The following DNAJC14 variants were observed in gnomAD, a reference collection of about 807,000 sequenced individuals.
DNAJC14 encodes the protein dnaJ homolog subfamily C member 14.
DNAJC14 carries 12 observed loss-of-function variants against 68.8 expected under a neutral mutation model. The ratio of observed to expected loss-of-function variants is 0.17; its 90% CI spans 0.11 to 0.28. The LOEUF (loss-of-function observed/expected upper bound fraction) is 0.28. DNAJC14 is among the 10% of genes least tolerant of loss of function. DNAJC14 has a pLI of 1.00. For missense variants in DNAJC14, 764 were observed against 875.6 expected, an observed-to-expected ratio of 0.87 and a Z score of 1.61; for synonymous variants, 350 against 321.5, an observed-to-expected ratio of 1.09 and a Z score of -0.95.
At chr12:55,825,506 G>A (rs1880769173) in intron 2 of DNAJC14, among the ~76,000 whole-genome samples, 1 of 149,988 alleles carries the variant, frequency 6.7e-6, no homozygotes, top group Non-Finnish European at 1.5e-5. Flanking sequence ...TTTCCCTCAA[G>A]CATAAGGTGC....
intron 4 of DNAJC14, 24 bp downstream of exon 4, chr12:55,823,046 C>T: frequency 6.2e-7 from 1 of 1,612,444 alleles, no homozygotes; most frequent in Non-Finnish European, 8.5e-7. Flanking sequence ...GTGATTGTCC[C>T]ATCCCTCTCC....
chr12:55,827,444 C>T lies in DNAJC14; in HGVS notation c.1215G>A (p.Lys405=), dbSNP rs749124129. The change falls in exon 2 of 7, where the codon AAG becomes AAA. Residue 405 remains lysine, a synonymous_variant. Coordinates refer to ENST00000678005, the MANE Select transcript of DNAJC14 (RefSeq NM_032364.6). ...CATTCCCCTGCCTATTAATATTCTG[C>T]TTGACCCAAGGCAACTCCAGCCAGC... The part of the protein sequence containing the change: ...QWGWLELPWV[K]QNINRQGNAP... The T allele has an allele frequency of 2.5e-6, 4 of 1,607,358 alleles. No individual in the cohort carries two copies. The East Asian group carries it at 8.9e-5, about 36-fold the overall frequency.
rs1020465033 is a variant in DNAJC14, at chr12:55,829,553, G to C, written c.-121C>G. On this transcript the variant is annotated 5_prime_UTR_variant, in exon 1 of 7. Transcript: ENST00000678005. Reference sequence around the variant, plus strand: ...CCTGGGGCCAGGGTGAGCTACGAGAGCCGCTCTCCCGGCTCCGCCTCCCGC... The same window carrying C: ...CCTGGGGCCAGGGTGAGCTACGAGACCCGCTCTCCCGGCTCCGCCTCCCGC... 1.0e-6 allele frequency: 1 copy of C among 985,060 alleles called. No individual in the cohort carries two copies. Among genetic ancestry groups the C allele is most frequent in the Non-Finnish European group, 1.2e-6 (1 of 829,938 alleles). The allele number at this position is 985,060 out of a possible 1,614,324, so 61.0% of individuals were successfully genotyped here. A position where few individuals can be genotyped will look rare whatever the true frequency, so the allele number is the denominator to read the frequency against.
In DNAJC14 at chr12:55,828,198, C is replaced by T; in HGVS notation, c.461G>A (p.Cys154Tyr). The T allele has an allele frequency of 1.2e-6, 2 of 1,611,578 alleles. No homozygotes were observed. Among genetic ancestry groups the T allele is most frequent in the Non-Finnish European group, 1.7e-6 (2 of 1,178,960 alleles). The part of the protein sequence containing the change: ...EGGNGSSSNF[C>Y]HHCTSPALGE... ...CAAAGCTGGAGAGGTACAGTGGTGG[C>T]AAAAGTTGCTAGAAGAACCATTTCC... The change falls in exon 2 of 7, where the codon TGC (cysteine) becomes TAC (tyrosine). Residue 154 changes from cysteine (C) to tyrosine (Y), a missense_variant. Transcript: ENST00000678005.
chr12:55,829,659 G>A, upstream of DNAJC14: 1 of 962,858 alleles, frequency 1.0e-6, no homozygotes, highest in Non-Finnish European at 1.2e-6. Context: ...CCAGGGAAGA[G>A]ACGGGAAGGA....
intron 3 of DNAJC14, 86 bp downstream of exon 3, chr12:55,823,316 C>G: frequency 1.9e-6 from 3 of 1,597,542 alleles, no homozygotes; most frequent in Non-Finnish European, 2.6e-6. Flanking sequence ...TCCATCTCAA[C>G]AAGCCTCCAC....
chr12:55,821,895 G>A lies in DNAJC14; in HGVS notation c.*82C>T. On this transcript the variant is annotated 3_prime_UTR_variant, in exon 7 of 7. Coordinates refer to ENST00000678005, the MANE Select transcript of DNAJC14 (RefSeq NM_032364.6). ...AAAAGATTCAGTTCCTAGGTGTTGG[G>A]GGAGGAGGGATAAATCAAACTCCAT... The A allele has an allele frequency of 7.2e-7, 1 of 1,379,562 alleles. No individual in the cohort carries two copies. The highest frequency in any genetic ancestry group is 9.9e-7 in the Non-Finnish European group (1 of 1,012,928). The allele number at this position is 1,379,562 out of a possible 1,614,324, so 85.5% of individuals were successfully genotyped here.
In DNAJC14 at chr12:55,821,806, G is replaced by A. The variant is rs756968754; in HGVS notation, c.*171C>T. On this transcript the variant is annotated 3_prime_UTR_variant, in exon 7 of 7. Coordinates refer to ENST00000678005, the MANE Select transcript of DNAJC14 (RefSeq NM_032364.6). ...CGGGAGACAGAGGTTGCAGTAAGCT[G>A]AGATCACACCACTGCACTCCAGCTG... 2.3e-4 allele frequency: 140 copies of A among 600,524 alleles called. No homozygotes were observed. Among genetic ancestry groups the A allele is most frequent in the Admixed American group, 1.1e-4 (3 of 27,082 alleles). The allele number at this position is 600,524 out of a possible 1,614,324, so 37.2% of individuals were successfully genotyped here.
At chr12:55,825,130 C>CAAAA (rs71074860) in intron 2 of DNAJC14, among the ~76,000 whole-genome samples, 7 of 65,480 alleles carry the variant, frequency 1.1e-4, no homozygotes, top group East Asian at 5.0e-4. Context: ...GACCCTGTCT[C>CAAAA]AAAAAAAAAA....
In DNAJC14 at chr12:55,828,084, G is replaced by A. The variant is rs747013413; in HGVS notation, c.575C>T (p.Pro192Leu). ...GCGGTGCCGCTGTCTCCGGGATGGGGGTTTCTTTCCGCTGGACACACGTGA... is the reference window on the plus strand; with the variant it reads ...GCGGTGCCGCTGTCTCCGGGATGGGAGTTTCTTTCCGCTGGACACACGTGA... ...DFSRVSSGKK[P>L]PSRRQRHRFP... The change falls in exon 2 of 7, where the codon CCC becomes CTC. Residue 192 changes from proline (P) to leucine (L), a missense_variant. Pro to Leu is a moderately conservative substitution (Grantham distance 98). Coordinates refer to ENST00000678005, the MANE Select transcript of DNAJC14 (RefSeq NM_032364.6). The A allele has an allele frequency of 6.2e-6, 10 of 1,603,226 alleles. No homozygotes were observed. The highest frequency in any genetic ancestry group is 7.7e-6 in the Non-Finnish European group (9 of 1,174,736).
intron 2 of DNAJC14, among the ~76,000 whole-genome samples, chr12:55,824,906 AAATT>A (rs1471264774): frequency 1.3e-5 from 2 of 152,078 alleles, no homozygotes; most frequent in Middle Eastern, 3.2e-3. Context: ...CGAGGCAGGC[AAATT>A]GCTTGAGTCC....
Position 55,828,266 on chromosome 12 carries a change from G to A in DNAJC14, c.393C>T (p.Cys131=). The change falls in exon 2 of 7, where the codon TGC becomes TGT. Residue 131 remains cysteine (C), a synonymous_variant. Transcript: ENST00000678005. ...CTTCTGGAATTCCAGGTGTTCCCTG[G>A]CAGTTGCAAGCAGATGGAATGGAAA... is the stretch of plus-strand genomic sequence containing the variant. The part of the protein sequence containing the change: ...SFLSIPSACN[C]QGTPGIPEGP... 1.9e-6 allele frequency: 3 copies of A among 1,604,822 alleles called. No individual in the cohort carries two copies. The highest frequency in any genetic ancestry group is 2.6e-6 in the Non-Finnish European group (3 of 1,176,290).
chr12:55,823,729 A>G, intron 2 of DNAJC14, among the ~76,000 whole-genome samples: 1 of 136,906 alleles, frequency 7.3e-6, no homozygotes. Flanking sequence ...TTTTGAGATG[A>G]AGTCTCGCTC....
Position 55,827,638 on chromosome 12 carries a change from A to G in DNAJC14, c.1021T>C (p.Phe341Leu). ...LLLALALFLG[F>L]LQLGWRFLVG... is the part of the protein sequence containing the mutation. The stretch of plus-strand genomic sequence containing the variant: ...AGAAACCGCCATCCCAACTGTAGAA[A>G]GCCCAAAAAGAGGGCCAGAGCCAGG... The change falls in exon 2 of 7, where the codon TTT becomes CTT. Residue 341 changes from phenylalanine (F) to leucine (L), a missense_variant. By Grantham distance (22) the Phe-to-Leu change is conservative. Coordinates refer to ENST00000678005, the MANE Select transcript of DNAJC14 (RefSeq NM_032364.6). 6.2e-7 allele frequency: 1 copy of G among 1,612,454 alleles called. No homozygotes were observed. Among genetic ancestry groups the G allele is most frequent in the Non-Finnish European group, 8.5e-7 (1 of 1,179,198 alleles).
chr12:55,828,522 G>A lies in DNAJC14; in HGVS notation c.137C>T (p.Ala46Val). The change falls in exon 2 of 7, where the codon GCT becomes GTT. Residue 46 changes from alanine to valine, a missense_variant. This residue lies in a region of DNAJC14 where 514 missense variants were observed against 521.7 expected (regional missense o/e 0.99). Coordinates refer to ENST00000678005, the MANE Select transcript of DNAJC14 (RefSeq NM_032364.6). ...FSGLRDSAGT[A>V]PNGTRCLTEH... ...TGTGAGGCAGCGGGTACCATTAGGA[G>A]CAGTCCCTGCTGAGTCCCTGAGTCC... 2 of 1,614,146 alleles carry A rather than the reference G, an allele frequency of 1.2e-6. No individual in the cohort carries two copies. Among genetic ancestry groups the A allele is most frequent in the African/African-American group, 2.7e-5 (2 of 75,016 alleles).
At chr12:55,825,124 C>T (rs908257534) in intron 2 of DNAJC14, among the ~76,000 whole-genome samples, 5 of 139,002 alleles carry the variant, frequency 3.6e-5, no homozygotes, top group Non-Finnish European at 6.2e-5. Context: ...GAGTGAGACC[C>T]TGTCTCAAAA....
rs950871677 is a variant in DNAJC14 at position 55,828,580 on chromosome 12, G to A, written c.79C>T (p.Pro27Ser). The A allele has an allele frequency of 6.2e-7, 1 of 1,614,070 alleles. No individual in the cohort carries two copies. Among genetic ancestry groups the A allele is most frequent in the East Asian group, 2.2e-5 (1 of 44,870 alleles). Residue 27 changes from proline (P) to serine (S), a missense_variant, in exon 2 of 7, where the codon CCC (proline) becomes TCC (serine). Pro to Ser is a moderately conservative substitution (Grantham distance 74). Transcript: ENST00000678005. ...SGGASLRTLG[P>S]SVDPEIPSFS... Reference sequence around the variant, plus strand: ...GAAGGTATTTCAGGGTCCACGGAGGGTCCTAAAGTCCTGAGGGAGGCACCA... The same window carrying A: ...GAAGGTATTTCAGGGTCCACGGAGGATCCTAAAGTCCTGAGGGAGGCACCA...
rs769482215 is a variant in DNAJC14, at chr12:55,828,255, G to C, written c.404C>G (p.Pro135Arg). Reference sequence around the variant, plus strand: ...AGAGTAAGGCCCTTCTGGAATTCCAGGTGTTCCCTGGCAGTTGCAAGCAGA... The same window carrying C: ...AGAGTAAGGCCCTTCTGGAATTCCACGTGTTCCCTGGCAGTTGCAAGCAGA... Reference protein sequence around the residue: ...IPSACNCQGTPGIPEGPYSEG... With the variant: ...IPSACNCQGTRGIPEGPYSEG... Residue 135 changes from proline (P) to arginine (R), a missense_variant, in exon 2 of 7, where the codon CCT (proline) becomes CGT (arginine). By Grantham distance (103) the Pro-to-Arg change is moderately radical. Around this residue, in one of 4 missense-constraint regions of DNAJC14, gnomAD observed 514 missense variants for 521.7 expected, o/e 0.99. Coordinates refer to ENST00000678005, the MANE Select transcript of DNAJC14 (RefSeq NM_032364.6). The C allele has an allele frequency of 1.0e-5, 16 of 1,605,148 alleles. No homozygotes were observed. The highest frequency in any genetic ancestry group is 1.4e-5 in the Non-Finnish European group (16 of 1,176,174).
In DNAJC14 at chr12:55,821,378, T is replaced by C. The variant is rs1013060137; in HGVS notation, c.*599A>G. The C allele has an allele frequency of 7.2e-5, 11 of 152,628 alleles. No individual in the cohort carries two copies. Among genetic ancestry groups the C allele is most frequent in the African/African-American group, 2.7e-4 (11 of 41,432 alleles). 9.5% of individuals were successfully genotyped at this position (152,628 alleles called of 1,614,324 possible). On this transcript the variant is annotated 3_prime_UTR_variant, in exon 7 of 7. Transcript: ENST00000678005. ...TGGGTCAAGAAAGAAGATAGACTTG[T>C]AGCTTTAAAAGGGTGGGAAAAAGTG...
Sources: allele counts gnomAD v4.1 joint callset (sites outside exome capture counted in the v4.1 genomes callset), GRCh38; gene constraint gnomAD v4.1.1; regional missense constraint gnomAD v4.1.1; transcripts MANE v1.5; gene names NCBI Gene and HGNC (gene_info 2026-07-23, HGNC 2026-07-21).